Variants in PTPRD observed in about 807,000 individuals in gnomAD.
PTPRD encodes protein tyrosine phosphatase receptor type D.
A neutral mutation model predicts 214.5 loss-of-function variants in PTPRD; 34 were observed. The observed-to-expected ratio is 0.16, with a 90% CI of 0.12 to 0.21. PTPRD has a LOEUF of 0.21. Ranked by LOEUF, PTPRD falls within the 10% of genes least tolerant of loss-of-function variation. The probability of loss-of-function intolerance (pLI) is 1.00; values close to 1 mark genes in which losing one functional copy is unlikely to be tolerated. For missense variants in PTPRD, 2,545 were observed against 2,398.7 expected (o/e 1.06, Z -1.27); for synonymous variants, 1,128 against 845.7 (o/e 1.33, Z -5.79).
intron 8 of PTPRD, among the ~76,000 whole-genome samples, chr9:9,565,356 A>G (rs2084187465): frequency 6.6e-6 from 1 of 151,902 alleles, no homozygotes; most frequent in Non-Finnish European, 1.5e-5. Flanking sequence ...ACTTCTGATG[A>G]GTGAAATGTT....
intron 8 of PTPRD, among the ~76,000 whole-genome samples, chr9:9,521,961 G>C (rs557250679): frequency 6.6e-6 from 1 of 151,822 alleles, no homozygotes; most frequent in Non-Finnish European, 1.5e-5. Context: ...AGTTTGAGAC[G>C]AGCCTGACCA....
intron 9 of PTPRD, among the ~76,000 whole-genome samples, chr9:9,377,796 C>A (rs1461810853): frequency 6.6e-6 from 1 of 152,024 alleles, no homozygotes; most frequent in African/African-American, 2.4e-5. Flanking sequence ...GAGAGAAGTA[C>A]CACAGTTGAG....
intron 4 of PTPRD, among the ~76,000 whole-genome samples, chr9:9,996,756 C>T (rs958806530): frequency 2.0e-5 from 3 of 152,082 alleles, no homozygotes; most frequent in African/African-American, 7.2e-5. Flanking sequence ...TCAGTGGCTT[C>T]ATACGGCAAG....
At chr9:8,334,826 G>T (rs1039379696) in intron 43 of PTPRD, among the ~76,000 whole-genome samples, 37 of 129,384 alleles carry the variant, frequency 2.9e-4, no homozygotes, top group Admixed American at 3.8e-4. Flanking sequence ...GGACAAAGGG[G>T]AAATCACCAC....
At chr9:8,623,659 T>C (rs1564791288) in intron 14 of PTPRD, among the ~76,000 whole-genome samples, 1 of 151,902 alleles carries the variant, frequency 6.6e-6, no homozygotes, top group Non-Finnish European at 1.5e-5. Flanking sequence ...GCTAACAGCT[T>C]TACATGGATT....
intron 9 of PTPRD, among the ~76,000 whole-genome samples, chr9:9,352,025 C>T (rs1324152213): frequency 6.6e-6 from 1 of 151,830 alleles, no homozygotes; most frequent in Non-Finnish European, 1.5e-5. Context: ...TCAGGCTGGT[C>T]CCAAACTCTT....
chr9:9,666,562 T>C (rs2096726173), intron 7 of PTPRD, among the ~76,000 whole-genome samples: 1 of 151,968 alleles, frequency 6.6e-6, no homozygotes, highest in African/African-American at 2.4e-5. Flanking sequence ...AAAACAATAA[T>C]CATCATCATG....
At chr9:9,761,447 C>T (rs772567680) in intron 6 of PTPRD, among the ~76,000 whole-genome samples, 11 of 152,048 alleles carry the variant, frequency 7.2e-5, no homozygotes, top group South Asian at 6.2e-4. Flanking sequence ...GTCAAATGCT[C>T]GTAGTGTTGG....
intron 11 of PTPRD, among the ~76,000 whole-genome samples, chr9:8,961,159 G>A (rs2099156716): frequency 6.6e-6 from 1 of 152,094 alleles, no homozygotes; most frequent in Non-Finnish European, 1.5e-5. Flanking sequence ...GGGGACAGGG[G>A]AAGACTTCAG....
chr9:9,915,062 G>A (rs776964807), intron 5 of PTPRD, among the ~76,000 whole-genome samples: 5 of 152,052 alleles, frequency 3.3e-5, no homozygotes, highest in Non-Finnish European at 5.9e-5. Flanking sequence ...GCAAAGCCTC[G>A]CCATTATCAC....
At chr9:10,576,579 A>T (rs2069428627) in intron 2 of PTPRD, among the ~76,000 whole-genome samples, 1 of 152,142 alleles carries the variant, frequency 6.6e-6, no homozygotes, top group Admixed American at 6.5e-5. Context: ...ACTAGGCTAC[A>T]TTTGATAAAG....
At chr9:9,115,496 G>A (rs1270237564) in intron 10 of PTPRD, among the ~76,000 whole-genome samples, 1 of 152,128 alleles carries the variant, frequency 6.6e-6, no homozygotes. Flanking sequence ...TTGCATGAAT[G>A]AAGTGAAAAG....
chr9:10,120,036 A>G (rs2098762591), intron 3 of PTPRD, among the ~76,000 whole-genome samples: 1 of 152,078 alleles, frequency 6.6e-6, no homozygotes, highest in Non-Finnish European at 1.5e-5. Flanking sequence ...AGCTTTATGT[A>G]GCATGAAAGG....
intron 3 of PTPRD, among the ~76,000 whole-genome samples, chr9:10,178,632 A>T (rs2099263360): frequency 6.6e-6 from 1 of 152,028 alleles, no homozygotes; most frequent in African/African-American, 2.4e-5. Context: ...CCTCCTACAC[A>T]ATGAAATTTA....
At chr9:9,903,404 G>T (rs1009056855) in intron 5 of PTPRD, among the ~76,000 whole-genome samples, 7 of 152,060 alleles carry the variant, frequency 4.6e-5, no homozygotes, top group Non-Finnish European at 4.4e-5. Context: ...TAGTAAAACT[G>T]AGATAATCAT....
At chr9:8,374,371 T>C (rs1157599670) in intron 39 of PTPRD, among the ~76,000 whole-genome samples, 2 of 151,912 alleles carry the variant, frequency 1.3e-5, no homozygotes, top group Non-Finnish European at 2.9e-5. Flanking sequence ...TACAGACTGA[T>C]CAAACTAGCA....
intron 8 of PTPRD, among the ~76,000 whole-genome samples, chr9:9,417,090 A>T (rs185924499): frequency 6.6e-6 from 1 of 152,262 alleles, no homozygotes; most frequent in African/African-American, 2.4e-5. Context: ...TTCGGGGTTA[A>T]TGAAGCTGTT....
At chr9:8,674,697 C>T (rs2097364481) in intron 12 of PTPRD, among the ~76,000 whole-genome samples, 1 of 152,042 alleles carries the variant, frequency 6.6e-6, no homozygotes, top group Non-Finnish European at 1.5e-5. Context: ...CTTGTTAAAA[C>T]ATATAAAATG....
At chr9:9,001,426 T>A (rs1050124165) in intron 11 of PTPRD, among the ~76,000 whole-genome samples, 5 of 151,970 alleles carry the variant, frequency 3.3e-5, no homozygotes, top group African/African-American at 1.2e-4. Context: ...GCCCTAGGAT[T>A]TAGGACCCCA....
Sources: allele counts gnomAD v4.1 joint callset (sites outside exome capture counted in the v4.1 genomes callset), GRCh38; gene constraint gnomAD v4.1.1; transcripts MANE v1.5; gene names NCBI Gene and HGNC (gene_info 2026-07-23, HGNC 2026-07-21).